Variants in PRMT2 observed in about 807,000 individuals in gnomAD.
PRMT2 encodes protein arginine methyltransferase 2, also known as protein arginine N-methyltransferase 2.
In PRMT2, 26 loss-of-function variants were observed where a neutral mutation model predicts 57.6. The observed-to-expected ratio is 0.45, with a 90% CI of 0.33 to 0.63. The LOEUF is 0.63. Ranked by LOEUF, PRMT2 falls within the 20% of genes least tolerant of loss-of-function variation. PRMT2 has a pLI of 0.02. For synonymous variants in PRMT2, 219 were observed against 220.0 expected (o/e 1.00, Z 0.04); for missense variants, 472 against 564.4 (o/e 0.84, Z 1.66).
intron 8 of PRMT2, chr21:46,659,608 T>G (rs2061590165): frequency 1.0e-6 from 1 of 982,108 alleles, no homozygotes; most frequent in Non-Finnish European, 1.2e-6. Flanking sequence ...CATGCTGTTT[T>G]CCCTACCAGA....
intron 7 of PRMT2, chr21:46,653,223 T>G: frequency 1.0e-6 from 1 of 985,422 alleles, no homozygotes; most frequent in Non-Finnish European, 1.2e-6. Flanking sequence ...ATAATTCTCT[T>G]CACACAGCCT....
At chr21:46,640,705 G>GT (rs954658093) in intron 3 of PRMT2, among the ~76,000 whole-genome samples, 31 of 145,604 alleles carry the variant, frequency 2.1e-4, no homozygotes, top group East Asian at 6.1e-4. Context: ...GGCCTTGATG[G>GT]TTTTTTTTTT....
chr21:46,649,727 G>C lies in PRMT2; in HGVS notation c.642G>C (p.Gly214=), dbSNP rs2061420995. 2.5e-6 allele frequency: 4 copies of C among 1,613,542 alleles called. No individual in the cohort carries two copies. The highest frequency in any genetic ancestry group is 3.4e-6 in the Non-Finnish European group (4 of 1,179,860). The change falls in exon 7 of 12, where the codon GGG becomes GGC. Residue 214 remains glycine, a synonymous_variant. Coordinates refer to ENST00000355680, the MANE Select transcript of PRMT2 (RefSeq NM_206962.4). This position sits in a 1 kb window ranked among gnomAD's most constrained non-coding sequence, Gnocchi z 4.8. ...ACGTGCTGGTGTCTGAGTGGATGGG[G>C]ACCTGCCTGCTGGTGAGGGCGGGCG... ...KVDVLVSEWM[G]TCLLFEFMIE... is the part of the protein sequence containing the mutation.
intron 3 of PRMT2, among the ~76,000 whole-genome samples, chr21:46,637,609 G>A (rs750814008): frequency 2.6e-5 from 4 of 151,478 alleles, no homozygotes; most frequent in African/African-American, 4.9e-5. Context: ...AGAATCTTTC[G>A]TTAATTTCTT....
intron 7 of PRMT2, chr21:46,652,211 G>A: frequency 1.5e-6 from 2 of 1,374,882 alleles, no homozygotes; most frequent in Non-Finnish European, 9.4e-7. Flanking sequence ...TTTAAGAAAA[G>A]GAGGAAACAA....
At chr21:46,651,925 C>A (rs1346194224) in intron 7 of PRMT2, 1 of 1,613,272 alleles carries the variant, frequency 6.2e-7, no homozygotes, top group Admixed American at 1.7e-5. Context: ...CTCTTCATGT[C>A]CTCCTTGCCT....
At position 46,648,263 on chromosome 21, in the gene PRMT2, A is replaced by G; in HGVS notation, c.328-195A>G. 2 of 551,904 alleles carry G rather than the reference A, an allele frequency of 3.6e-6. No homozygotes were observed. The highest frequency in any genetic ancestry group is 6.0e-5 in the Admixed American group (2 of 33,234). The allele number at this position is 551,904 out of a possible 1,614,324, so 34.2% of individuals were successfully genotyped here. A position where few individuals can be genotyped will look rare whatever the true frequency, so the allele number is the denominator to read the frequency against. On this transcript the variant is annotated intron_variant, in intron 5 of 11. Coordinates refer to ENST00000355680, the MANE Select transcript of PRMT2 (RefSeq NM_206962.4). The surrounding 1 kb of genome is among the most constrained non-coding windows in gnomAD (Gnocchi z 4.8). The stretch of plus-strand genomic sequence containing the variant: ...ATTTTTTGTGTATTATTACTGTTAT[A>G]AGGGGGTGGGTGAAGTGTTCTCTAA...
rs1284417771 is a variant in PRMT2 at position 46,663,430 on chromosome 21, C to T, written c.1145C>T (p.Pro382Leu). 2.5e-6 allele frequency: 4 copies of T among 1,614,070 alleles called. No homozygotes were observed. In the African/African-American group the frequency reaches 5.3e-5, roughly 22 times the overall value. The change falls in exon 11 of 12, where the codon CCT (proline) becomes CTT (leucine). Residue 382 changes from proline to leucine, a missense_variant. Transcript: ENST00000355680. Reference sequence around the variant, plus strand: ...CTGTTCATGATGGACGACCCAGTCCCTGTCCATACAGGAGACGTGGTCACG... The same window carrying T: ...CTGTTCATGATGGACGACCCAGTCCTTGTCCATACAGGAGACGTGGTCACG... ...QTLFMMDDPV[P>L]VHTGDVVTGS... is the part of the protein sequence containing the mutation.
intron 7 of PRMT2, chr21:46,652,810 G>C: frequency 8.0e-7 from 1 of 1,252,164 alleles, no homozygotes; most frequent in Non-Finnish European, 1.0e-6. Flanking sequence ...TAACAAAGCA[G>C]GTGACAATTG....
At chr21:46,647,286 G>A (rs76983185) in intron 5 of PRMT2, among the ~76,000 whole-genome samples, 5,155 of 151,136 alleles carry the variant, frequency 0.034, 271 homozygotes, top group African/African-American at 0.12. Flanking sequence ...TTGTTGATTC[G>A]TGTGTTAAGT....
rs772883634 is a variant in PRMT2 at position 46,649,609 on chromosome 21, A to G, written c.524A>G (p.His175Arg). Residue 175 changes from histidine to arginine, a missense_variant, in exon 7 of 12, where the codon CAC becomes CGC. His to Arg is a conservative substitution (Grantham distance 29, BLOSUM62 0). Around this residue, in one of 2 missense-constraint regions of PRMT2, gnomAD observed 243 missense variants for 347.2 expected, o/e 0.70. Transcript: ENST00000355680. The surrounding 1 kb of genome is among the most constrained non-coding windows in gnomAD (Gnocchi z 4.8). ...YAVEASEMAQ[H>R]TGQLVLQNGF... ...GTGGAGGCCAGTGAGATGGCACAGCACACGGGGCAGCTGGTCCTGCAGAAC... is the reference window on the plus strand; with the variant it reads ...GTGGAGGCCAGTGAGATGGCACAGCGCACGGGGCAGCTGGTCCTGCAGAAC... The G allele has an allele frequency of 6.2e-7, 1 of 1,614,140 alleles. No homozygotes were observed. Among genetic ancestry groups the G allele is most frequent in the Non-Finnish European group, 8.5e-7 (1 of 1,180,036 alleles).
chr21:46,663,524 C>T lies in PRMT2; in HGVS notation c.1239C>T (p.Val413=). The T allele has an allele frequency of 6.2e-7, 1 of 1,614,156 alleles. No individual in the cohort carries two copies. The highest frequency in any genetic ancestry group is 8.5e-7 in the Non-Finnish European group (1 of 1,179,982). The change falls in exon 11 of 12, where the codon GTC becomes GTT. Residue 413 remains valine, a synonymous_variant. Coordinates refer to ENST00000355680, the MANE Select transcript of PRMT2 (RefSeq NM_206962.4). ...TGTCTGTGGCTCTGAGCTGGGCTGT[C>T]ACTTCCAGACAAGACCCCACATCTC... is the stretch of plus-strand genomic sequence containing the variant. ...RHMSVALSWA[V]TSRQDPTSQK... is the part of the protein sequence containing the mutation.
intron 8 of PRMT2, chr21:46,659,224 C>T (rs545408877): frequency 8.7e-5 from 97 of 1,118,786 alleles, no homozygotes; most frequent in Non-Finnish European, 1.0e-4. Flanking sequence ...GTTGATTAGC[C>T]CTTGTTCTCT....
At chr21:46,654,783 T>C (rs2061517629) in intron 7 of PRMT2, 2 of 498,826 alleles carry the variant, frequency 4.0e-6, no homozygotes, top group South Asian at 1.7e-4. Flanking sequence ...ACCACGTTAT[T>C]TTATATGGGG....
rs139617490 is a variant in PRMT2, at chr21:46,659,237, C to T, written c.830+317C>T. 2.8e-5 allele frequency: 30 copies of T among 1,079,254 alleles called. No homozygotes were observed. In the East Asian group the frequency reaches 9.4e-4, roughly 34 times the overall value. 66.9% of individuals were successfully genotyped at this position (1,079,254 alleles called of 1,614,324 possible). ...CAGTTGATTAGCCCTTGTTCTCTCACGCCATACGTGAAAACTTAATTCTGC... is the reference window on the plus strand; with the variant it reads ...CAGTTGATTAGCCCTTGTTCTCTCATGCCATACGTGAAAACTTAATTCTGC... On this transcript the variant is annotated intron_variant, in intron 8 of 11. Coordinates refer to ENST00000355680, the MANE Select transcript of PRMT2 (RefSeq NM_206962.4).
At chr21:46,653,411 A>C in intron 7 of PRMT2, 21 of 990,630 alleles carry the variant, frequency 2.1e-5, no homozygotes, top group Non-Finnish European at 2.5e-5. Context: ...GGTGTAGATG[A>C]TGGGACAGCT....
chr21:46,647,982 A>G (rs1013703135), intron 5 of PRMT2, among the ~76,000 whole-genome samples: 2 of 151,930 alleles, frequency 1.3e-5, no homozygotes, highest in South Asian at 2.1e-4. Context: ...TTTTTTTTTA[A>G]AGCATTTTCC....
intron 5 of PRMT2, among the ~76,000 whole-genome samples, chr21:46,645,894 T>C (rs1440242617): frequency 6.6e-6 from 1 of 152,106 alleles, no homozygotes; most frequent in Non-Finnish European, 1.5e-5. Flanking sequence ...TTTTTGTATT[T>C]TTAATGAGGG....
intron 5 of PRMT2, among the ~76,000 whole-genome samples, chr21:46,646,769 G>C (rs908654117): frequency 2.6e-5 from 4 of 152,160 alleles, no homozygotes; most frequent in African/African-American, 9.7e-5. Context: ...GATCTTGCCA[G>C]TTCGCCCTCC....
Sources: gnomAD v4.1 joint callset for allele counts (sites outside exome capture counted in the v4.1 genomes callset) on GRCh38, gnomAD v4.1.1 for gene constraint, gnomAD v4.1.1 regional missense constraint, Gnocchi (gnomAD v3.1) non-coding constraint, MANE v1.5 for transcripts, NCBI Gene and HGNC (gene_info 2026-07-23, HGNC 2026-07-21) for gene names.